The following RAB11FIP4 variants were observed in gnomAD, a reference collection of about 807,000 sequenced individuals.
RAB11FIP4 encodes the protein rab11 family-interacting protein 4.
Under a neutral mutation model 74.3 loss-of-function variants are expected in RAB11FIP4, and 23 were observed. The ratio of observed to expected loss-of-function variants is 0.31; its 90% CI spans 0.22 to 0.44. The LOEUF (loss-of-function observed/expected upper bound fraction) is 0.44. RAB11FIP4 is among the 20% of genes least tolerant of loss of function. The probability of loss-of-function intolerance (pLI) is 1.00; values close to 1 mark genes in which losing one functional copy is unlikely to be tolerated. For synonymous variants in RAB11FIP4, 360 were observed against 359.9 expected (o/e 1.00, Z 0.00); for missense variants, 630 against 863.9 (o/e 0.73, Z 3.39).
intron 10 of RAB11FIP4, chr17:31,527,536 C>T (rs2142828896): frequency 3.5e-6 from 1 of 283,060 alleles, no homozygotes; most frequent in South Asian, 7.7e-5. Context: ...TTAGAGGTTG[C>T]AGAGCTGAGA....
At chr17:31,398,325 C>T (rs2070950473) in intron 1 of RAB11FIP4, among the ~76,000 whole-genome samples, 2 of 152,324 alleles carry the variant, frequency 1.3e-5, no homozygotes, top group South Asian at 2.1e-4. Flanking sequence ...CAGGCGTGAG[C>T]CACCACAGCT....
Position 31,488,171 on chromosome 17 carries a change from C to T in RAB11FIP4, c.337-29480C>T, listed in dbSNP as rs558095670. On this transcript the variant is annotated intron_variant, in intron 3 of 14. Coordinates refer to ENST00000621161, the MANE Select transcript of RAB11FIP4 (RefSeq NM_032932.6). Reference sequence around the variant, plus strand: ...CGATTGTTCCTGCGCTTCGGGGCTGCCCGCCGCGTCCCCGCGCGCCGCCGA... The same window carrying T: ...CGATTGTTCCTGCGCTTCGGGGCTGTCCGCCGCGTCCCCGCGCGCCGCCGA... The T allele has an allele frequency of 1.6e-4, 171 of 1,073,390 alleles. 2 individuals are homozygous for T. The East Asian group carries it at 8.7e-3, about 55-fold the overall frequency. The allele number at this position is 1,073,390 out of a possible 1,614,324, so 66.5% of individuals were successfully genotyped here.
intron 3 of RAB11FIP4, among the ~76,000 whole-genome samples, chr17:31,509,920 G>C (rs558626318): frequency 3.3e-5 from 5 of 152,132 alleles, no homozygotes; most frequent in Non-Finnish European, 5.9e-5. Context: ...GCCTTGGCTG[G>C]TGCCTGGGCA....
intron 3 of RAB11FIP4, chr17:31,509,265 A>G (rs1419700840): frequency 1.0e-5 from 1 of 99,730 alleles, no homozygotes; most frequent in Non-Finnish European, 2.2e-5. Flanking sequence ...GGGTGATGCA[A>G]GAAGCCTGCT....
At chr17:31,399,818 C>A (rs187674012) in intron 1 of RAB11FIP4, among the ~76,000 whole-genome samples, 3 of 151,676 alleles carry the variant, frequency 2.0e-5, no homozygotes, top group Non-Finnish European at 4.4e-5. Flanking sequence ...CTGAGGCAGG[C>A]GGATCACCTG....
chr17:31,509,767 C>T (rs906070714), intron 3 of RAB11FIP4, among the ~76,000 whole-genome samples: 6 of 152,144 alleles, frequency 3.9e-5, no homozygotes, highest in Admixed American at 1.3e-4. Context: ...CGTGACCTGG[C>T]GACCTGGTGC....
intron 1 of RAB11FIP4, among the ~76,000 whole-genome samples, chr17:31,416,552 G>A (rs905956306): frequency 7.2e-5 from 11 of 152,212 alleles, no homozygotes; most frequent in South Asian, 6.2e-4. Flanking sequence ...TGGGGGTGGC[G>A]GCTCCAGAAT....
At chr17:31,409,724 G>A (rs2071075744) in intron 1 of RAB11FIP4, among the ~76,000 whole-genome samples, 1 of 152,218 alleles carries the variant, frequency 6.6e-6, no homozygotes, top group African/African-American at 2.4e-5. Context: ...CCAACACAGG[G>A]TGTTGTACTG....
chr17:31,522,416 G>T, intron 7 of RAB11FIP4, 21 bp downstream of exon 7: 4 of 1,612,106 alleles, frequency 2.5e-6, no homozygotes, highest in Non-Finnish European at 3.4e-6. Flanking sequence ...CCTCGAGGGA[G>T]GGCAAATTGA....
chr17:31,500,472 C>G (rs557436625), intron 3 of RAB11FIP4, among the ~76,000 whole-genome samples: 1 of 152,216 alleles, frequency 6.6e-6, no homozygotes, highest in Non-Finnish European at 1.5e-5. Context: ...TTACTGAGCG[C>G]TGCTGGTCAC....
intron 2 of RAB11FIP4, among the ~76,000 whole-genome samples, chr17:31,433,796 G>A (rs542560395): frequency 1.1e-3 from 174 of 152,304 alleles, no homozygotes; most frequent in Admixed American, 3.2e-3. Context: ...CCTGCCCTCT[G>A]TGTGTGGGAA....
chr17:31,404,537 G>A (rs570532514), intron 1 of RAB11FIP4, among the ~76,000 whole-genome samples: 92 of 152,328 alleles, frequency 6.0e-4, no homozygotes, highest in Non-Finnish European at 1.1e-3. Context: ...AGCAATGCAT[G>A]TTAAACCCTC....
chr17:31,438,752 GT>G (rs1489113364), intron 3 of RAB11FIP4, among the ~76,000 whole-genome samples: 1 of 152,162 alleles, frequency 6.6e-6, no homozygotes, highest in African/African-American at 2.4e-5. Flanking sequence ...GCCTCTGAGT[GT>G]TATCTTTCTC....
chr17:31,520,530 C>T (rs766360139), intron 4 of RAB11FIP4, among the ~76,000 whole-genome samples: 11 of 151,970 alleles, frequency 7.2e-5, no homozygotes, highest in Admixed American at 1.3e-4. Flanking sequence ...TTTTTTGAGA[C>T]GGAGTCTCCC....
At chr17:31,428,966 G>T (rs974116270) in intron 1 of RAB11FIP4, among the ~76,000 whole-genome samples, 27 of 142,208 alleles carry the variant, frequency 1.9e-4, no homozygotes, top group African/African-American at 5.1e-4. Context: ...TTATTATTAT[G>T]ATGATGATGA....
In RAB11FIP4 at chr17:31,521,927, G is replaced by C. The variant is rs372143570; in HGVS notation, c.771G>C (p.Thr257=). ...CCTCATGAATCAGTGCGGGGCAGACGCCTAGGAAAATGCGGCACGTGTACA... is the reference window on the plus strand; with the variant it reads ...CCTCATGAATCAGTGCGGGGCAGACCCCTAGGAAAATGCGGCACGTGTACA... The part of the protein sequence containing the change: ...GSSVSSSAGQ[T]PRKMRHVYNS... Residue 257 remains threonine, a synonymous_variant, in exon 6 of 15, where the codon ACG becomes ACC. Coordinates refer to ENST00000621161, the MANE Select transcript of RAB11FIP4 (RefSeq NM_032932.6). 3 of 1,614,162 alleles carry C rather than the reference G, an allele frequency of 1.9e-6. No individual in the cohort carries two copies. The highest frequency in any genetic ancestry group is 1.7e-6 in the Non-Finnish European group (2 of 1,180,026).
At chr17:31,459,483 T>C (rs966146072) in intron 3 of RAB11FIP4, among the ~76,000 whole-genome samples, 3 of 97,642 alleles carry the variant, frequency 3.1e-5, no homozygotes, top group Non-Finnish European at 7.7e-5. Flanking sequence ...GGTGAGCGTT[T>C]TATTATTATT....
intron 3 of RAB11FIP4, among the ~76,000 whole-genome samples, chr17:31,451,044 C>G (rs1341025073): frequency 1.3e-5 from 2 of 152,190 alleles, no homozygotes; most frequent in Non-Finnish European, 2.9e-5. Flanking sequence ...ATCCACTTCC[C>G]TCCACCTTGG....
Position 31,521,996 on chromosome 17 carries a change from A to G in RAB11FIP4, c.840A>G (p.Lys280=). The G allele has an allele frequency of 6.2e-7, 1 of 1,614,172 alleles. No homozygotes were observed. The change falls in exon 6 of 15, where the codon AAA becomes AAG. Residue 280 remains lysine, a synonymous_variant. Transcript: ENST00000621161. The stretch of plus-strand genomic sequence containing the variant: ...TTTACTGCTCTCAATGCTGCAAGAA[A>G]ATCAACCTGCTCAATGACTTGGAAG... ...LDVYCSQCCK[K]INLLNDLEAR...
Sources: allele counts gnomAD v4.1 joint callset (sites outside exome capture counted in the v4.1 genomes callset), GRCh38; gene constraint gnomAD v4.1.1; transcripts MANE v1.5; gene names NCBI Gene and HGNC (gene_info 2026-07-23, HGNC 2026-07-21).